Variants in SECISBP2 observed in about 807,000 individuals in gnomAD.
SECISBP2 encodes SECIS binding protein 2, also known as selenocysteine insertion sequence-binding protein 2.
Under a neutral mutation model 98.2 loss-of-function variants are expected in SECISBP2, and 96 were observed. That is an observed-to-expected ratio of 0.98 (90% confidence interval 0.83 to 1.16). The LOEUF (loss-of-function observed/expected upper bound fraction) is 1.16. Among genes scored for constraint, SECISBP2 ranks in the 50% most tolerant of loss-of-function variants. The pLI is 0.00. For missense variants in SECISBP2, 1,046 were observed against 1,022.9 expected, an observed-to-expected ratio of 1.02 and a Z score of -0.31; for synonymous variants, 407 against 370.2, an observed-to-expected ratio of 1.10 and a Z score of -1.14.
downstream of SECISBP2, among the ~76,000 whole-genome samples, chr9:89,363,140 G>A (rs1832971651): frequency 6.6e-6 from 1 of 152,164 alleles, no homozygotes; most frequent in African/African-American, 2.4e-5. Flanking sequence ...GGTGGTCGTG[G>A]GGGCCCATCT....
intron 7 of SECISBP2, among the ~76,000 whole-genome samples, chr9:89,337,816 G>T (rs994301920): frequency 2.0e-5 from 3 of 152,246 alleles, no homozygotes; most frequent in Admixed American, 2.0e-4. Flanking sequence ...ATGTCAGAGA[G>T]TGATCAGTGC....
chr9:89,356,508 G>A (rs1348785349), intron 14 of SECISBP2: 1 of 152,340 alleles, frequency 6.6e-6, no homozygotes, highest in Non-Finnish European at 1.5e-5. Context: ...GCCCAGGCTG[G>A]AGTGCAGTGG....
intron 9 of SECISBP2, among the ~76,000 whole-genome samples, chr9:89,340,679 G>A (rs1434716085): frequency 3.9e-5 from 6 of 152,210 alleles, no homozygotes; most frequent in South Asian, 4.1e-4. Context: ...GGAGCCCTCA[G>A]CCAGTAGGGT....
chr9:89,318,548 G>T lies in SECISBP2; in HGVS notation c.-29G>T. Reference sequence around the variant, plus strand: ...AGCCGACGGCCCGCTGCTGGCCTCCGTGACGCGGCCTCCTCCGCGCCTCGC... The same window carrying T: ...AGCCGACGGCCCGCTGCTGGCCTCCTTGACGCGGCCTCCTCCGCGCCTCGC... On this transcript the variant is annotated 5_prime_UTR_variant, in exon 1 of 17. Coordinates refer to ENST00000375807, the MANE Select transcript of SECISBP2 (RefSeq NM_024077.5). 6.6e-7 allele frequency: 1 copy of T among 1,510,590 alleles called. No individual in the cohort carries two copies. Among genetic ancestry groups the T allele is most frequent in the Admixed American group, 2.0e-5 (1 of 48,936 alleles). 93.6% of individuals were successfully genotyped at this position (1,510,590 alleles called of 1,614,324 possible).
At chr9:89,333,357 A>G (rs1199409917) in intron 6 of SECISBP2, among the ~76,000 whole-genome samples, 2 of 152,230 alleles carry the variant, frequency 1.3e-5, no homozygotes, top group Non-Finnish European at 2.9e-5. Context: ...CATTTGCCCT[A>G]TTCAAAGTTC....
intron 7 of SECISBP2, among the ~76,000 whole-genome samples, chr9:89,335,997 A>C (rs776610889): frequency 4.7e-5 from 7 of 150,318 alleles, no homozygotes; most frequent in Non-Finnish European, 7.4e-5. Context: ...GGTACGTGTC[A>C]CTAATTTTTG....
At position 89,357,487 on chromosome 9, in the gene SECISBP2, C is replaced by T; in HGVS notation, c.2190C>T (p.Asn730=). 6.2e-7 allele frequency: 1 copy of T among 1,614,198 alleles called. No individual in the cohort carries two copies. Among genetic ancestry groups the T allele is most frequent in the Non-Finnish European group, 8.5e-7 (1 of 1,180,030 alleles). Residue 730 remains asparagine (N), a synonymous_variant, in exon 15 of 17, where the codon AAC becomes AAT. Coordinates refer to ENST00000375807, the MANE Select transcript of SECISBP2 (RefSeq NM_024077.5). ...EQNIPFVFAL[N]RKALGRSLNK... is the part of the protein sequence containing the mutation. ...ACATTCCCTTTGTGTTTGCTCTCAA[C>T]CGCAAAGCTCTGGGGCGCAGTTTGA...
At chr9:89,357,081 T>C in intron 14 of SECISBP2, 1 of 381,256 alleles carries the variant, frequency 2.6e-6, no homozygotes, top group South Asian at 2.2e-5. Flanking sequence ...GTGCCTCTGG[T>C]TGTGCATCTG....
At chr9:89,321,133 C>T (rs1426359271) in intron 2 of SECISBP2, among the ~76,000 whole-genome samples, 4 of 152,206 alleles carry the variant, frequency 2.6e-5, no homozygotes, top group South Asian at 2.1e-4. Context: ...CACTGTATTT[C>T]ATCCACTGTA....
chr9:89,361,603 ATCG>A (rs1420842494), downstream of SECISBP2: 6 of 152,248 alleles, frequency 3.9e-5, no homozygotes, highest in African/African-American at 1.4e-4. Context: ...GACTCATTCC[ATCG>A]TCAAGAAATT....
In SECISBP2 at chr9:89,345,637, G is replaced by A. The variant is rs74542216; in HGVS notation, c.1436-1245G>A. 6.9e-3 allele frequency among the ~76,000 whole-genome samples: 1,045 copies of A among 152,278 alleles called. 15 individuals are homozygous for A. Among genetic ancestry groups the A allele is most frequent in the African/African-American group, 0.024 (989 of 41,542 alleles). On this transcript the variant is annotated intron_variant, in intron 10 of 16. Coordinates refer to ENST00000375807, the MANE Select transcript of SECISBP2 (RefSeq NM_024077.5). ...TGTAGGAAGGACCCTCCTCAGGCCC[G>A]GTGTCAGTGCTTTGTGAAGAGTTGC...
chr9:89,348,669 C>T (rs550346206), intron 12 of SECISBP2, among the ~76,000 whole-genome samples: 10 of 152,350 alleles, frequency 6.6e-5, no homozygotes, highest in East Asian at 1.9e-4. Context: ...CAGTGACCGC[C>T]GCATTCAGAT....
intron 14 of SECISBP2, among the ~76,000 whole-genome samples, chr9:89,354,010 G>A (rs1002214329): frequency 2.0e-5 from 3 of 152,258 alleles, no homozygotes; most frequent in East Asian, 1.9e-4. Flanking sequence ...CTTGAATTAA[G>A]TTGAAGTACT....
chr9:89,333,004 A>G lies in SECISBP2; in HGVS notation c.880+18A>G. ...TACAAGAGGTAAAAGTGGCTGCAAA[A>G]ATGTTAATTTTTAAAATGTCATAGA... On this transcript the variant is annotated intron_variant, in intron 6 of 16. Coordinates refer to ENST00000375807, the MANE Select transcript of SECISBP2 (RefSeq NM_024077.5). 2 of 1,603,636 alleles carry G rather than the reference A, an allele frequency of 1.2e-6. No individual in the cohort carries two copies. The highest frequency in any genetic ancestry group is 1.1e-5 in the South Asian group (1 of 90,878).
chr9:89,339,355 A>G (rs1237904427), intron 8 of SECISBP2, among the ~76,000 whole-genome samples: 1 of 152,228 alleles, frequency 6.6e-6, no homozygotes, highest in Non-Finnish European at 1.5e-5. Flanking sequence ...AGACAAGTGA[A>G]TAATTTATAT....
At chr9:89,363,323 C>T (rs887132992), downstream of SECISBP2, 26 of 1,495,892 alleles carry the variant, frequency 1.7e-5, no homozygotes, top group Non-Finnish European at 2.2e-5. Flanking sequence ...TAAGAGGGAA[C>T]AAGTGGGGTC....
At position 89,333,974 on chromosome 9, in the gene SECISBP2, G is replaced by T. The variant is rs553872645; in HGVS notation, c.881-548G>T. ...GGGGGTAGCCACAGGCTGCTGACAG[G>T]TGTTCACCTGCCTGTGTCCTGATAG... On this transcript the variant is annotated intron_variant, in intron 6 of 16. Coordinates refer to ENST00000375807, the MANE Select transcript of SECISBP2 (RefSeq NM_024077.5). 17 of 1,009,804 alleles carry T rather than the reference G, an allele frequency of 1.7e-5. No homozygotes were observed. The African/African-American group carries it at 3.0e-4, about 18-fold the overall frequency. The allele number at this position is 1,009,804 out of a possible 1,614,324, so 62.6% of individuals were successfully genotyped here. A position where few individuals can be genotyped will look rare whatever the true frequency, so the allele number is the denominator to read the frequency against.
At chr9:89,321,665 C>CA (rs1378996910) in intron 2 of SECISBP2, among the ~76,000 whole-genome samples, 3,700 of 138,682 alleles carry the variant, frequency 0.027, 135 homozygotes, top group African/African-American at 0.085. Context: ...GACTCTCTCT[C>CA]AAAAAAAAAA....
At chr9:89,328,097 G>A (rs1827080231) in intron 4 of SECISBP2, among the ~76,000 whole-genome samples, 4 of 152,100 alleles carry the variant, frequency 2.6e-5, no homozygotes. Context: ...ACCTTGCCCT[G>A]GCCAAATTTT....
Sources: allele counts gnomAD v4.1 joint callset (sites outside exome capture counted in the v4.1 genomes callset), GRCh38; gene constraint gnomAD v4.1.1; transcripts MANE v1.5; gene names NCBI Gene and HGNC (gene_info 2026-07-23, HGNC 2026-07-21).